Variants in EBF1 observed in about 807,000 individuals in gnomAD.
EBF1 encodes EBF transcription factor 1.
EBF1 carries 10 observed loss-of-function variants against 68.4 expected under a neutral mutation model. That is an observed-to-expected ratio of 0.15 (90% CI 0.09 to 0.25). The LOEUF is 0.25. Ranked by LOEUF, EBF1 falls within the 10% of genes least tolerant of loss-of-function variation. The pLI, the probability that EBF1 is intolerant of heterozygous loss-of-function variation, is 1.00. For missense variants in EBF1, 509 were observed against 794.4 expected, an observed-to-expected ratio of 0.64 and a Z score of 4.32; for synonymous variants, 298 against 299.8, an observed-to-expected ratio of 0.99 and a Z score of 0.06.
chr5:158,775,861 A>G (rs1389025879), intron 10 of EBF1, among the ~76,000 whole-genome samples: 3 of 151,670 alleles, frequency 2.0e-5, no homozygotes, highest in Non-Finnish European at 4.4e-5. Context: ...GGAAAAATGA[A>G]TGGCAAGAAA....
intron 11 of EBF1, 60 bp downstream of exon 11, chr5:158,731,009 G>A: frequency 6.6e-7 from 1 of 1,513,884 alleles, no homozygotes; most frequent in Non-Finnish European, 9.1e-7. Context: ...CAGCAGCAGA[G>A]TTTTCTGCAA....
intron 5 of EBF1, among the ~76,000 whole-genome samples, chr5:159,076,412 C>T (rs900292443): frequency 6.6e-6 from 1 of 152,140 alleles, no homozygotes; most frequent in African/African-American, 2.4e-5. Flanking sequence ...CACACCAGGC[C>T]TGAGATTTTT....
intron 6 of EBF1, among the ~76,000 whole-genome samples, chr5:159,024,119 A>G (rs184481440): frequency 2.6e-5 from 4 of 152,192 alleles, no homozygotes; most frequent in Non-Finnish European, 5.9e-5. Flanking sequence ...GACTTGGGCC[A>G]CCCCAGATGC....
intron 4 of EBF1, among the ~76,000 whole-genome samples, chr5:159,092,905 AT>A (rs1282052900): frequency 1.1e-4 from 16 of 152,322 alleles, no homozygotes; most frequent in Non-Finnish European, 1.8e-4. Flanking sequence ...GGAAAAAAAA[AT>A]GTAATCATTT....
chr5:158,835,995 T>C (rs1004267134), intron 7 of EBF1, among the ~76,000 whole-genome samples: 1 of 152,164 alleles, frequency 6.6e-6, no homozygotes. Context: ...CATGGACACA[T>C]GCATTTATAC....
At chr5:159,094,924 A>G (rs1003038733) in intron 4 of EBF1, among the ~76,000 whole-genome samples, 5 of 152,114 alleles carry the variant, frequency 3.3e-5, no homozygotes, top group South Asian at 2.1e-4. Flanking sequence ...CTTTTAAACC[A>G]TAACTCAACC....
At chr5:158,741,587 A>C (rs1013743005) in intron 10 of EBF1, among the ~76,000 whole-genome samples, 1 of 151,962 alleles carries the variant, frequency 6.6e-6, no homozygotes, top group African/African-American at 2.4e-5. Flanking sequence ...AAAAAAAAAA[A>C]AAAAAAGCAG....
chr5:159,095,674 C>G lies in EBF1; in HGVS notation c.357G>C (p.Gly119=). The G allele has an allele frequency of 6.2e-7, 1 of 1,614,048 alleles. No individual in the cohort carries two copies. The highest frequency in any genetic ancestry group is 8.5e-7 in the Non-Finnish European group (1 of 1,179,974). Residue 119 remains glycine (G), a splice_region_variant and synonymous_variant, in exon 4 of 16, where the codon GGG becomes GGC. Coordinates refer to ENST00000313708, the MANE Select transcript of EBF1 (RefSeq NM_024007.5). ...CGTAGAAATCCTGCTCCGTCCTTAT[C>G]CCTAGGGTTGGAAATGGGGGAAGGG... is the stretch of plus-strand genomic sequence containing the variant. The part of the protein sequence containing the change: ...HYRLQLLYSN[G]IRTEQDFYVR...
chr5:159,095,599 G>A (rs763863883), intron 4 of EBF1, 21 bp downstream of exon 4: 1 of 1,613,454 alleles, frequency 6.2e-7, no homozygotes, highest in South Asian at 1.1e-5. Flanking sequence ...GCCCCCCGTG[G>A]CCCAAAATCA....
chr5:158,839,031 T>A lies in EBF1; in HGVS notation c.636+998A>T, dbSNP rs1042563129. On this transcript the variant is annotated intron_variant, in intron 7 of 15. Coordinates refer to ENST00000313708, the MANE Select transcript of EBF1 (RefSeq NM_024007.5). Reference sequence around the variant, plus strand: ...GACCTCTATTAACATTTTAATAAGATCCTCAGGGGATTTTCAGCACTTTTA... The same window carrying A: ...GACCTCTATTAACATTTTAATAAGAACCTCAGGGGATTTTCAGCACTTTTA... Among the ~76,000 whole-genome samples the A allele has an allele frequency of 3.9e-5, 6 of 152,180 alleles. No homozygotes were observed. In the East Asian group the frequency reaches 1.2e-3, roughly 29 times the overall value.
At chr5:158,928,225 C>T (rs946850893) in intron 6 of EBF1, among the ~76,000 whole-genome samples, 6 of 152,182 alleles carry the variant, frequency 3.9e-5, no homozygotes, top group Non-Finnish European at 5.9e-5. Context: ...ACAATAGGAC[C>T]TGCTCCATAG....
chr5:158,798,436 C>A (rs1033889559), intron 8 of EBF1, among the ~76,000 whole-genome samples: 7 of 152,058 alleles, frequency 4.6e-5, no homozygotes, highest in Non-Finnish European at 8.8e-5. Flanking sequence ...ACACATATTT[C>A]TTTAGCTAAA....
intron 8 of EBF1, among the ~76,000 whole-genome samples, chr5:158,812,912 T>C (rs1462580405): frequency 6.6e-6 from 1 of 152,168 alleles, no homozygotes; most frequent in Non-Finnish European, 1.5e-5. Context: ...TAAAATCCTG[T>C]TAGGATATTT....
At chr5:158,899,519 A>T (rs574223170) in intron 6 of EBF1, among the ~76,000 whole-genome samples, 1 of 152,204 alleles carries the variant, frequency 6.6e-6, no homozygotes, top group Non-Finnish European at 1.5e-5. Flanking sequence ...TGTTTCTGCA[A>T]TGGAAAAAGA....
At chr5:158,784,279 C>A (rs986293457) in intron 9 of EBF1, among the ~76,000 whole-genome samples, 2 of 152,318 alleles carry the variant, frequency 1.3e-5, no homozygotes, top group South Asian at 2.1e-4. Flanking sequence ...GTCGGCCTGA[C>A]TAATGACCAT....
intron 6 of EBF1, among the ~76,000 whole-genome samples, chr5:158,962,458 C>T (rs1287627830): frequency 1.3e-5 from 2 of 152,180 alleles, no homozygotes; most frequent in African/African-American, 2.4e-5. Flanking sequence ...AATATGATCA[C>T]AGTTGCCAGT....
At chr5:158,921,097 A>G (rs1275081622) in intron 6 of EBF1, among the ~76,000 whole-genome samples, 3 of 152,200 alleles carry the variant, frequency 2.0e-5, no homozygotes, top group Non-Finnish European at 4.4e-5. Context: ...AATGCTGCAC[A>G]CGTTTATGCG....
intron 6 of EBF1, among the ~76,000 whole-genome samples, chr5:159,022,538 T>C (rs1374142502): frequency 6.6e-6 from 1 of 152,182 alleles, no homozygotes; most frequent in African/African-American, 2.4e-5. Context: ...ATAAAACTTG[T>C]GGGGAGCCAA....
intron 6 of EBF1, among the ~76,000 whole-genome samples, chr5:158,990,285 C>A (rs1165215450): frequency 6.6e-6 from 1 of 152,184 alleles, no homozygotes; most frequent in Non-Finnish European, 1.5e-5. Context: ...ACCAGGAAGG[C>A]CTTGGGGCAA....
Sources: allele counts gnomAD v4.1 joint callset (sites outside exome capture counted in the v4.1 genomes callset), GRCh38; gene constraint gnomAD v4.1.1; transcripts MANE v1.5; gene names NCBI Gene and HGNC (gene_info 2026-07-23, HGNC 2026-07-21).